The following PSMA1 variants were observed in gnomAD, a reference collection of about 807,000 sequenced individuals.
PSMA1 encodes proteasome subunit alpha type-1.
A neutral mutation model predicts 38.4 loss-of-function variants in PSMA1; 3 were observed. That is an observed-to-expected ratio of 0.08 (90% confidence interval 0.04 to 0.20). The LOEUF (loss-of-function observed/expected upper bound fraction) is 0.20, where lower values mean the gene tolerates loss of function less well. Among genes scored for constraint, PSMA1 ranks in the 10% least tolerant of loss-of-function variants. PSMA1 has a pLI of 1.00. For synonymous variants in PSMA1, 101 were observed against 107.1 expected, an observed-to-expected ratio of 0.94 and a Z score of 0.35; for missense variants, 227 against 325.3, an observed-to-expected ratio of 0.70 and a Z score of 2.32.
intron 2 of PSMA1, among the ~76,000 whole-genome samples, chr11:14,570,895 A>G (rs1852131691): frequency 6.6e-6 from 1 of 152,196 alleles, no homozygotes; most frequent in Admixed American, 6.5e-5. Context: ...TCCAAGACAC[A>G]TAATTATCAG....
chr11:14,565,964 C>G (rs961921967), intron 2 of PSMA1, among the ~76,000 whole-genome samples: 2 of 152,142 alleles, frequency 1.3e-5, no homozygotes, highest in South Asian at 4.1e-4. Context: ...GGGAGTTACT[C>G]AAGCCATTAT....
chr11:14,630,254 G>A (rs1286133788), intron 1 of PSMA1, among the ~76,000 whole-genome samples: 3 of 152,112 alleles, frequency 2.0e-5, no homozygotes, highest in African/African-American at 7.2e-5. Flanking sequence ...GTTTTCAAAG[G>A]GAATGCTTCC....
At chr11:14,565,075 A>C (rs972498819) in intron 2 of PSMA1, among the ~76,000 whole-genome samples, 1 of 152,164 alleles carries the variant, frequency 6.6e-6, no homozygotes, top group Non-Finnish European at 1.5e-5. Context: ...CACAGCACCC[A>C]GCCTATAGGG....
At chr11:14,563,475 G>C (rs763853657) in intron 2 of PSMA1, among the ~76,000 whole-genome samples, 8 of 152,136 alleles carry the variant, frequency 5.3e-5, no homozygotes, top group Non-Finnish European at 1.2e-4. Context: ...GCTTTCAACA[G>C]CTCTCATTTC....
At chr11:14,597,193 G>A (rs1010300136) in intron 2 of PSMA1, among the ~76,000 whole-genome samples, 1 of 152,258 alleles carries the variant, frequency 6.6e-6, no homozygotes, top group South Asian at 2.1e-4. Context: ...CAGGGATATT[G>A]GTCTAAAATT....
chr11:14,564,761 ACTTTT>A (rs1852049475), intron 2 of PSMA1, among the ~76,000 whole-genome samples: 1 of 149,698 alleles, frequency 6.7e-6, no homozygotes, highest in Non-Finnish European at 1.5e-5. Flanking sequence ...TAGTTATAGT[ACTTTT>A]CTTTTCTTTC....
chr11:14,642,140 T>C (rs561724871), intron 1 of PSMA1, among the ~76,000 whole-genome samples: 3 of 152,208 alleles, frequency 2.0e-5, no homozygotes, highest in Non-Finnish European at 4.4e-5. Flanking sequence ...AATCTGAATT[T>C]GTTCTAATTT....
chr11:14,540,808 T>C (rs189358836), intron 2 of PSMA1, among the ~76,000 whole-genome samples: 8 of 152,168 alleles, frequency 5.3e-5, no homozygotes, highest in Admixed American at 2.0e-4. Context: ...CATTTTGGGA[T>C]GGGGGACAAA....
upstream of PSMA1, among the ~76,000 whole-genome samples, chr11:14,523,817 A>C (rs1465441920): frequency 1.3e-5 from 2 of 151,770 alleles, no homozygotes; most frequent in African/African-American, 4.8e-5. Context: ...TCCTGGACTC[A>C]AGCTATCCTC....
chr11:14,617,962 G>C (rs1852797617), intron 1 of PSMA1, among the ~76,000 whole-genome samples: 1 of 152,084 alleles, frequency 6.6e-6, no homozygotes, highest in Non-Finnish European at 1.5e-5. Flanking sequence ...TGATGACTTT[G>C]GCCAGATTAT....
At chr11:14,608,335 C>T (rs1034745027) in intron 2 of PSMA1, among the ~76,000 whole-genome samples, 3 of 151,376 alleles carry the variant, frequency 2.0e-5, no homozygotes, top group African/African-American at 4.9e-5. Context: ...GGTCATACAG[C>T]GAGACCCTGT....
rs142612798 is a variant in PSMA1 at position 14,643,280 on chromosome 11, G to A, written c.-166+175C>T. Among the ~76,000 whole-genome samples, 771 of 151,952 alleles carry A rather than the reference G, an allele frequency of 5.1e-3. 7 individuals carry two copies. Among genetic ancestry groups the A allele is most frequent in the African/African-American group, 0.018 (744 of 41,440 alleles). Reference sequence around the variant, plus strand: ...CCTTGGTGGTGGCTGGCCCTAAACTGGTCACAGTCTGAAGACCCACCCTGA... The same window carrying A: ...CCTTGGTGGTGGCTGGCCCTAAACTAGTCACAGTCTGAAGACCCACCCTGA... On this transcript the variant is annotated intron_variant, in intron 1 of 10. Coordinates refer to the PSMA1 transcript ENST00000418988.
chr11:14,521,521 C>T (rs796980679), upstream of PSMA1, among the ~76,000 whole-genome samples: 12 of 149,512 alleles, frequency 8.0e-5, no homozygotes, highest in East Asian at 1.6e-3. Context: ...CGCGGTGGCT[C>T]ACGCTTGTAA....
intron 2 of PSMA1, among the ~76,000 whole-genome samples, chr11:14,577,249 T>C (rs1263875124): frequency 6.6e-6 from 1 of 152,190 alleles, no homozygotes; most frequent in Non-Finnish European, 1.5e-5. Context: ...TTATCTTCAT[T>C]TTACAGAGGA....
intron 2 of PSMA1, among the ~76,000 whole-genome samples, chr11:14,538,529 T>G (rs1340393979): frequency 1.3e-5 from 2 of 152,242 alleles, no homozygotes; most frequent in East Asian, 3.8e-4. Flanking sequence ...ATCCCTTAAC[T>G]CTTGAATGTC....
chr11:14,638,516 T>TCTCTCC lies in PSMA1; in HGVS notation c.-166+4938_-166+4939insGGAGAG, dbSNP rs1378152947. 7.7e-3 allele frequency among the ~76,000 whole-genome samples: 168 copies of TCTCTCC among 21,884 alleles called. 4 individuals are homozygous for TCTCTCC. The highest frequency in any genetic ancestry group is 0.014 in the Middle Eastern group (1 of 70). The allele number at this position is 21,884 out of a possible 152,430, so 14.4% of individuals were successfully genotyped here. ...TAGTGGAGAAACACACCTCTCTCTC[T>TCTCTCC]CTCTCTCTCTCTCTCTCTCTCTCTC... On this transcript the variant is annotated intron_variant, in intron 1 of 10. Transcript: ENST00000418988.
At chr11:14,515,720 A>AT (rs1392324843) in intron 4 of PSMA1, among the ~76,000 whole-genome samples, 1 of 151,234 alleles carries the variant, frequency 6.6e-6, no homozygotes, top group African/African-American at 2.4e-5. Context: ...CGTTCAGCTA[A>AT]TTTTTTTATT....
At chr11:14,532,233 C>A (rs963185653) in intron 2 of PSMA1, among the ~76,000 whole-genome samples, 1 of 152,136 alleles carries the variant, frequency 6.6e-6, no homozygotes, top group Non-Finnish European at 1.5e-5. Flanking sequence ...ATTATCTATG[C>A]CCTTCCCTAT....
chr11:14,511,536 TGAAG>T (rs1378183027), intron 7 of PSMA1, among the ~76,000 whole-genome samples: 2 of 152,234 alleles, frequency 1.3e-5, no homozygotes, highest in African/African-American at 4.8e-5. Context: ...TCAGTTACAC[TGAAG>T]GAAGGGAGAA....
Sources: allele counts gnomAD v4.1 joint callset (sites outside exome capture counted in the v4.1 genomes callset), GRCh38; gene constraint gnomAD v4.1.1; transcripts MANE v1.5; gene names NCBI Gene and HGNC (gene_info 2026-07-23, HGNC 2026-07-21).